ZNF395: variants seen among roughly 807,000 people sequenced by gnomAD.
The protein encoded by ZNF395 is HD gene regulatory region-binding protein 2.
In ZNF395, 20 loss-of-function variants were observed where a neutral mutation model predicts 57.7. The ratio of observed to expected loss-of-function variants is 0.35; its 90% confidence interval spans 0.24 to 0.50. ZNF395 has a LOEUF of 0.50. Ranked by LOEUF, ZNF395 falls within the 20% of genes least tolerant of loss-of-function variation. The pLI is 0.97. For synonymous variants in ZNF395, 295 were observed against 275.9 expected, an observed-to-expected ratio of 1.07 and a Z score of -0.69; for missense variants, 606 against 671.2, an observed-to-expected ratio of 0.90 and a Z score of 1.07.
rs1051832545 is a variant in ZNF395 at position 28,347,435 on chromosome 8, G to C, written c.*1284C>G. 6.6e-6 allele frequency: 1 copy of C among 152,166 alleles called. No individual in the cohort carries two copies. The highest frequency in any genetic ancestry group is 1.5e-5 in the Non-Finnish European group (1 of 68,070). 9.4% of individuals were successfully genotyped at this position (152,166 alleles called of 1,614,324 possible). ...TCCGGGCGTGGCTCACTCTGTCTTCGCGCAGGGCTGGTTGGCATGGTGCTA... is the reference window on the plus strand; with the variant it reads ...TCCGGGCGTGGCTCACTCTGTCTTCCCGCAGGGCTGGTTGGCATGGTGCTA... On this transcript the variant is annotated 3_prime_UTR_variant, in exon 10 of 10. Coordinates refer to ENST00000344423, the MANE Select transcript of ZNF395 (RefSeq NM_018660.3).
chr8:28,367,835 C>T (rs922517564), intron 1 of ZNF395, among the ~76,000 whole-genome samples: 3 of 152,276 alleles, frequency 2.0e-5, no homozygotes, highest in African/African-American at 7.2e-5. Flanking sequence ...TCAAGAAAAA[C>T]GTGTTATAAG....
chr8:28,348,570 T>G lies in ZNF395; in HGVS notation c.*149A>C. 1 of 655,550 alleles carries G rather than the reference T, an allele frequency of 1.5e-6. No individual in the cohort carries two copies. The highest frequency in any genetic ancestry group is 1.7e-5 in the South Asian group (1 of 58,350). The allele number at this position is 655,550 out of a possible 1,614,324, so 40.6% of individuals were successfully genotyped here. On this transcript the variant is annotated 3_prime_UTR_variant, in exon 10 of 10. Transcript: ENST00000344423. ...AAATGTTCGCACAATGGGAGAAAAT[T>G]GCTTTAAGTGTTACACCTTAGCCAA...
chr8:28,351,665 G>A lies in ZNF395; in HGVS notation c.1063C>T (p.Pro355Ser), dbSNP rs1348546999. Residue 355 changes from proline to serine, a missense_variant, in exon 7 of 10, where the codon CCC (proline) becomes TCC (serine). Around this residue, in one of 3 missense-constraint regions of ZNF395, gnomAD observed 261 missense variants for 240.3 expected, o/e 1.09. Coordinates refer to ENST00000344423, the MANE Select transcript of ZNF395 (RefSeq NM_018660.3). ...VPGTPTSEPAPTPSMTGLPLS... is the reference protein window; with the variant it reads ...VPGTPTSEPASTPSMTGLPLS... ...GGCAGGCCAGTCATGCTGGGGGTGG[G>A]AGCTGGCTCGGAGGTGGGAGTCCCA... 1.1e-5 allele frequency: 18 copies of A among 1,612,836 alleles called. No homozygotes were observed. The highest frequency in any genetic ancestry group is 1.4e-5 in the Non-Finnish European group (17 of 1,179,914).
At chr8:28,384,890 G>A (rs1428127408) in intron 1 of ZNF395, among the ~76,000 whole-genome samples, 1 of 152,138 alleles carries the variant, frequency 6.6e-6, no homozygotes, top group African/African-American at 2.4e-5. Flanking sequence ...GGGTCTCTTC[G>A]GTGCCTCTCC....
chr8:28,376,437 T>TA (rs1802041334), intron 1 of ZNF395, among the ~76,000 whole-genome samples: 1 of 151,902 alleles, frequency 6.6e-6, no homozygotes, highest in South Asian at 2.1e-4. Context: ...GCCATCATGG[T>TA]GAAACCCCAT....
chr8:28,353,291 T>TGGGGGG lies in ZNF395; in HGVS notation c.695_700dup (p.Pro232_Pro233dup). 4.5e-6 allele frequency: 2 copies of TGGGGGG among 445,370 alleles called. No individual in the cohort carries two copies. Among genetic ancestry groups the TGGGGGG allele is most frequent in the Admixed American group, 7.7e-5 (2 of 25,906 alleles). The allele number at this position is 445,370 out of a possible 1,614,324, so 27.6% of individuals were successfully genotyped here. A position where few individuals can be genotyped will look rare whatever the true frequency, so the allele number is the denominator to read the frequency against. Reference sequence around the variant, plus strand: ...CAAATACTTGGGGCTGGCCTGGGGGTGGGGGGGCGAGGGGGTGGAGACACC... The same window carrying TGGGGGG: ...CAAATACTTGGGGCTGGCCTGGGGGTGGGGGGGGGGGGGCGAGGGGGTGGAGACACC... On this transcript the variant is annotated inframe_insertion, in exon 5 of 10. Coordinates refer to ENST00000344423, the MANE Select transcript of ZNF395 (RefSeq NM_018660.3).
At position 28,349,142 on chromosome 8, in the gene ZNF395, C is replaced by A; in HGVS notation, c.1413G>T (p.Arg471=). ...CATCTCACCTGGCACCACTCTGGGC[C>A]CGGGGTGGAGAAGTGACGATCAGAT... is the stretch of plus-strand genomic sequence containing the variant. ...KSHLIVTSPP[R]AQSGARKARG... The change falls in exon 9 of 10, where the codon CGG becomes CGT. Residue 471 remains arginine (R), a synonymous_variant. Coordinates refer to ENST00000344423, the MANE Select transcript of ZNF395 (RefSeq NM_018660.3). 1 of 1,565,840 alleles carries A rather than the reference C, an allele frequency of 6.4e-7. No homozygotes were observed. Among genetic ancestry groups the A allele is most frequent in the Admixed American group, 2.0e-5 (1 of 51,164 alleles).
At chr8:28,351,102 C>G (rs1255113021) in intron 7 of ZNF395, among the ~76,000 whole-genome samples, 1 of 152,180 alleles carries the variant, frequency 6.6e-6, no homozygotes, top group Non-Finnish European at 1.5e-5. Flanking sequence ...ATTCTTGGCC[C>G]GCAGGAAGTA....
rs1801635552 is a variant in ZNF395 at position 28,348,482 on chromosome 8, T to C, written c.*237A>G. On this transcript the variant is annotated 3_prime_UTR_variant, in exon 10 of 10. Coordinates refer to ENST00000344423, the MANE Select transcript of ZNF395 (RefSeq NM_018660.3). The stretch of plus-strand genomic sequence containing the variant: ...CTGGTTCACTGCTGAATAGCCTTGG[T>C]CAGTTTTGGCTCTCTCCTATTTTAG... 2.1e-6 allele frequency: 1 copy of C among 477,418 alleles called. No individual in the cohort carries two copies. Among genetic ancestry groups the C allele is most frequent in the Non-Finnish European group, 3.8e-6 (1 of 260,438 alleles). The allele number at this position is 477,418 out of a possible 1,614,324, so 29.6% of individuals were successfully genotyped here. A position where few individuals can be genotyped will look rare whatever the true frequency, so the allele number is the denominator to read the frequency against.
At chr8:28,369,172 A>G (rs1801947737) in intron 1 of ZNF395, among the ~76,000 whole-genome samples, 1 of 151,426 alleles carries the variant, frequency 6.6e-6, no homozygotes, top group Admixed American at 6.6e-5. Context: ...AGGAAGTTAA[A>G]GTAGAAACAC....
intron 1 of ZNF395, among the ~76,000 whole-genome samples, chr8:28,371,154 T>C (rs1482477917): frequency 2.6e-5 from 4 of 152,230 alleles, no homozygotes; most frequent in African/African-American, 4.8e-5. Flanking sequence ...ACTCAGAATG[T>C]GAGCCCAAAT....
At chr8:28,349,285 T>C (rs1801648938) in intron 8 of ZNF395, 57 bp from the exon 9 acceptor site, 9 of 1,415,792 alleles carry the variant, frequency 6.4e-6, no homozygotes, top group East Asian at 2.5e-5. Flanking sequence ...GTGAGGGAGC[T>C]ATCCTAAAAG....
At chr8:28,374,471 A>T (rs911223622) in intron 1 of ZNF395, among the ~76,000 whole-genome samples, 4 of 151,950 alleles carry the variant, frequency 2.6e-5, no homozygotes, top group East Asian at 1.9e-4. Context: ...TTTCATTTAA[A>T]TTTTTTTTTT....
In ZNF395 at chr8:28,359,867, G is replaced by T. The variant is rs753653897; in HGVS notation, c.241-43C>A. The T allele has an allele frequency of 6.3e-7, 1 of 1,585,070 alleles. No homozygotes were observed. Among genetic ancestry groups the T allele is most frequent in the African/African-American group, 1.3e-5 (1 of 74,462 alleles). ...GCAGTTAGTGGTCAGCCCTGGATGG[G>T]TCTCGCCCTGAAGTTCTCATGCACC... On this transcript the variant is annotated intron_variant, in intron 2 of 9. Coordinates refer to ENST00000344423, the MANE Select transcript of ZNF395 (RefSeq NM_018660.3). This position sits in a 1 kb window ranked among gnomAD's most constrained non-coding sequence, Gnocchi z 4.7.
chr8:28,348,999 C>T, intron 9 of ZNF395, 126 bp downstream of exon 9: 1 of 1,152,988 alleles, frequency 8.7e-7, no homozygotes, highest in Non-Finnish European at 1.3e-6. Flanking sequence ...CCATCTGGTG[C>T]ATCCGCCATC....
chr8:28,348,600 G>T lies in ZNF395; in HGVS notation c.*119C>A. The T allele has an allele frequency of 1.2e-6, 1 of 863,320 alleles. No individual in the cohort carries two copies. Among genetic ancestry groups the T allele is most frequent in the Non-Finnish European group, 1.9e-6 (1 of 517,666 alleles). The allele number at this position is 863,320 out of a possible 1,614,324, so 53.5% of individuals were successfully genotyped here. ...TAAGTGTTACACCTTAGCCAACAGA[G>T]CCCAAACTCCGTGTTTCCGTTCTTT... is the stretch of plus-strand genomic sequence containing the variant. On this transcript the variant is annotated 3_prime_UTR_variant, in exon 10 of 10. Transcript: ENST00000344423.
At chr8:28,385,772 G>A (rs1308282743) in intron 1 of ZNF395, among the ~76,000 whole-genome samples, 2 of 148,448 alleles carry the variant, frequency 1.3e-5, no homozygotes, top group Non-Finnish European at 3.0e-5. Flanking sequence ...CCGAGAGTGG[G>A]GGCGCCGGCG....
At chr8:28,378,452 G>C (rs902655673) in intron 1 of ZNF395, among the ~76,000 whole-genome samples, 2 of 152,110 alleles carry the variant, frequency 1.3e-5, no homozygotes, top group African/African-American at 4.8e-5. Context: ...TGTTGCCCAA[G>C]CCAGTCTTGA....
At chr8:28,357,791 G>T (rs1801798526) in intron 3 of ZNF395, among the ~76,000 whole-genome samples, 1 of 152,190 alleles carries the variant, frequency 6.6e-6, no homozygotes, top group African/African-American at 2.4e-5. Flanking sequence ...TGGGTCTGCT[G>T]TGTTTTTTCG....
Sources: allele counts gnomAD v4.1 joint callset (sites outside exome capture counted in the v4.1 genomes callset), GRCh38; gene constraint gnomAD v4.1.1; regional missense constraint gnomAD v4.1.1; non-coding constraint Gnocchi (gnomAD v3.1); transcripts MANE v1.5; gene names NCBI Gene and HGNC (gene_info 2026-07-23, HGNC 2026-07-21).